Variants in RGS8 observed in about 807,000 individuals in gnomAD.
The protein encoded by RGS8 is regulator of G protein signaling 8, also known as regulator of G-protein signaling 8.
In RGS8, 8 loss-of-function variants were observed where a neutral mutation model predicts 21.7. That is an observed-to-expected ratio of 0.37 (90% confidence interval 0.22 to 0.66). The LOEUF is 0.66. Among genes scored for constraint, RGS8 ranks in the 30% least tolerant of loss-of-function variants. The pLI, the probability that RGS8 is intolerant of heterozygous loss-of-function variation, is 0.59. For synonymous variants in RGS8, 80 were observed against 83.6 expected, an observed-to-expected ratio of 0.96 and a Z score of 0.24; for missense variants, 157 against 217.9, an observed-to-expected ratio of 0.72 and a Z score of 1.76.
At chr1:182,654,579 G>A (rs1217820466) in intron 5 of RGS8, among the ~76,000 whole-genome samples, 3 of 152,162 alleles carry the variant, frequency 2.0e-5, no homozygotes, top group African/African-American at 7.2e-5. Context: ...CTAGTCTAGT[G>A]TAACCGACAT....
the RGS8 span, among the ~76,000 whole-genome samples, chr1:182,733,044 C>G: frequency 6.6e-6 from 1 of 152,220 alleles, no homozygotes; most frequent in African/African-American, 2.4e-5. Flanking sequence ...AACCTGAATA[C>G]AGAAGCAAGT....
the RGS8 span, among the ~76,000 whole-genome samples, chr1:182,729,952 A>G: frequency 2.0e-5 from 3 of 152,238 alleles, no homozygotes; most frequent in Non-Finnish European, 2.9e-5. Context: ...TTGGCAGACC[A>G]TGTTTAGGCA....
At chr1:182,745,664 G>T in the RGS8 span, among the ~76,000 whole-genome samples, 5 of 152,268 alleles carry the variant, frequency 3.3e-5, no homozygotes, top group South Asian at 1.0e-3. Flanking sequence ...TAAACCATTT[G>T]TCATATTTGA....
At chr1:182,698,918 G>A in the RGS8 span, among the ~76,000 whole-genome samples, 2 of 152,168 alleles carry the variant, frequency 1.3e-5, no homozygotes, top group African/African-American at 2.4e-5. Flanking sequence ...ACATGTCTCC[G>A]TAATGAATGT....
chr1:182,748,187 T>C, the RGS8 span, among the ~76,000 whole-genome samples: 3 of 152,268 alleles, frequency 2.0e-5, no homozygotes, highest in Non-Finnish European at 4.4e-5. Flanking sequence ...TGTGTTGCTG[T>C]ACAATAGATC....
At chr1:182,738,513 C>A in the RGS8 span, among the ~76,000 whole-genome samples, 1 of 152,052 alleles carries the variant, frequency 6.6e-6, no homozygotes, top group East Asian at 1.9e-4. Context: ...TAGAGTTGAC[C>A]TTTGAGAGGT....
At chr1:182,751,435 T>A in the RGS8 span, among the ~76,000 whole-genome samples, 1 of 152,206 alleles carries the variant, frequency 6.6e-6, no homozygotes, top group African/African-American at 2.4e-5. Flanking sequence ...CAGTGTTTAA[T>A]AAGACAGACA....
At chr1:182,698,218 G>A in the RGS8 span, among the ~76,000 whole-genome samples, 14 of 152,188 alleles carry the variant, frequency 9.2e-5, no homozygotes, top group African/African-American at 3.4e-4. Flanking sequence ...CCGGTTGGTG[G>A]TCTTTCTGTA....
the RGS8 span, among the ~76,000 whole-genome samples, chr1:182,747,043 CT>C: frequency 2.1e-3 from 44 of 21,014 alleles, no homozygotes; most frequent in Non-Finnish European, 2.7e-3. Flanking sequence ...CACTGCTGGT[CT>C]TTTTTTTTTT....
At chr1:182,643,376 T>C (rs1408499818), downstream of RGS8, 2 of 133,068 alleles carry the variant, frequency 1.5e-5, no homozygotes, top group Non-Finnish European at 3.1e-5. Context: ...CAATGCTTCC[T>C]AAGTTCAGCT....
intron 5 of RGS8, among the ~76,000 whole-genome samples, chr1:182,649,496 A>G (rs190324215): frequency 4.0e-4 from 60 of 151,702 alleles, no homozygotes; most frequent in African/African-American, 1.4e-3. Context: ...GATATTGCCT[A>G]TCAAATTATG....
chr1:182,703,735 T>G, the RGS8 span, among the ~76,000 whole-genome samples: 1 of 152,340 alleles, frequency 6.6e-6, no homozygotes, highest in South Asian at 2.1e-4. Flanking sequence ...CAAGTGCATT[T>G]CAAAGCAGAT....
exon 6 of RGS8, chr1:182,648,174 A>G (rs1423244359): frequency 6.2e-7 from 1 of 1,613,082 alleles, no homozygotes; most frequent in Admixed American, 1.7e-5. Context: ...CTCCTCAAAG[A>G]TCCTATGGGC....
At chr1:182,685,436 G>A (rs1414582826), upstream of RGS8, among the ~76,000 whole-genome samples, 1 of 152,220 alleles carries the variant, frequency 6.6e-6, no homozygotes, top group Non-Finnish European at 1.5e-5. Flanking sequence ...ACTGCGCAGG[G>A]CGGAGCTTAC....
chr1:182,703,776 C>T, the RGS8 span, among the ~76,000 whole-genome samples: 1 of 152,164 alleles, frequency 6.6e-6, no homozygotes, highest in Non-Finnish European at 1.5e-5. Flanking sequence ...TGTTTGCGTT[C>T]CCTCAGCACA....
chr1:182,740,944 A>G, the RGS8 span, among the ~76,000 whole-genome samples: 1 of 151,922 alleles, frequency 6.6e-6, no homozygotes, highest in African/African-American at 2.4e-5. Flanking sequence ...AAAGTCTCCC[A>G]TGTCTACCTC....
intron 5 of RGS8, among the ~76,000 whole-genome samples, chr1:182,657,219 C>G (rs1340481241): frequency 6.6e-6 from 1 of 152,130 alleles, no homozygotes; most frequent in Non-Finnish European, 1.5e-5. Context: ...CCATCCACCT[C>G]CCACCTCCTC....
At chr1:182,671,807 G>GGC (rs1664177720) in intron 1 of RGS8, 77 bp from the exon 3 acceptor site, 1 of 1,603,270 alleles carries the variant, frequency 6.2e-7, no homozygotes, top group African/African-American at 1.3e-5. Flanking sequence ...AACACATAGG[G>GGC]GCACACACAC....
the RGS8 span, among the ~76,000 whole-genome samples, chr1:182,716,474 G>GT: frequency 0.056 from 8,309 of 147,576 alleles, 275 homozygotes; most frequent in Middle Eastern, 0.085. Flanking sequence ...ATTTTTTATT[G>GT]TTTTTTTTTT....
Sources: gnomAD v4.1 joint callset for allele counts (sites outside exome capture counted in the v4.1 genomes callset) on GRCh38, gnomAD v4.1.1 for gene constraint, MANE v1.5 for transcripts, NCBI Gene and HGNC (gene_info 2026-07-23, HGNC 2026-07-21) for gene names.